Variants in PRPF6 observed in about 807,000 individuals in gnomAD.
PRPF6 encodes pre-mRNA-processing factor 6.
PRPF6 carries 42 observed loss-of-function variants against 118.3 expected under a neutral mutation model. The ratio of observed to expected loss-of-function variants is 0.35; its 90% CI spans 0.28 to 0.46. The LOEUF is 0.46. PRPF6 is among the 20% of genes least tolerant of loss of function. The pLI, the probability that PRPF6 is intolerant of heterozygous loss-of-function variation, is 1.00. For missense variants in PRPF6, 662 were observed against 1,255.7 expected, an observed-to-expected ratio of 0.53 and a Z score of 7.15; for synonymous variants, 481 against 485.1, an observed-to-expected ratio of 0.99 and a Z score of 0.11.
Position 63,981,184 on chromosome 20 carries a change from G to C in PRPF6, c.-62G>C. The C allele has an allele frequency of 2.0e-6, 3 of 1,519,938 alleles. No homozygotes were observed. Among genetic ancestry groups the C allele is most frequent in the Non-Finnish European group, 2.7e-6 (3 of 1,115,194 alleles). 94.2% of individuals were successfully genotyped at this position (1,519,938 alleles called of 1,614,324 possible). ...TCGGACGTCGAAGCCTAGAGTCTCT[G>C]CGTCTTTCCCTCTTCCGCTGCCTCA... is the stretch of plus-strand genomic sequence containing the variant. On this transcript the variant is annotated 5_prime_UTR_variant, in exon 1 of 21. Coordinates refer to ENST00000266079, the MANE Select transcript of PRPF6 (RefSeq NM_012469.4).
At chr20:64,004,936 C>G (rs2059183022) in intron 9 of PRPF6, among the ~76,000 whole-genome samples, 1 of 152,222 alleles carries the variant, frequency 6.6e-6, no homozygotes, top group Non-Finnish European at 1.5e-5. Flanking sequence ...CAGCGTGTCC[C>G]TCTGGGGGCA....
In PRPF6 at chr20:64,028,614, G is replaced by T; in HGVS notation, c.2431+45G>T. 6.3e-7 allele frequency: 1 copy of T among 1,598,936 alleles called. No homozygotes were observed. The highest frequency in any genetic ancestry group is 1.1e-5 in the South Asian group (1 of 90,494). Reference sequence around the variant, plus strand: ...CCGGTAAGGGGGTGCCCTGACTCCGGTAAGGGGGTGCCTTGACTCCGGTAA... The same window carrying T: ...CCGGTAAGGGGGTGCCCTGACTCCGTTAAGGGGGTGCCTTGACTCCGGTAA... On this transcript the variant is annotated intron_variant, in intron 18 of 20. Transcript: ENST00000266079. The surrounding 1 kb of genome is among the most constrained non-coding windows in gnomAD (Gnocchi z 6.5).
At chr20:64,001,366 C>T (rs1266355275) in intron 9 of PRPF6, 127 bp downstream of exon 9, 2 of 1,176,260 alleles carry the variant, frequency 1.7e-6, no homozygotes, top group East Asian at 2.5e-5. Flanking sequence ...CAGGCCTTTT[C>T]TCAGGCTGGG....
chr20:63,985,871 A>G (rs1473247375), intron 3 of PRPF6, among the ~76,000 whole-genome samples: 2 of 152,220 alleles, frequency 1.3e-5, no homozygotes, highest in East Asian at 3.8e-4. Context: ...ATTCTGAAAA[A>G]TAGAGGAGGG....
Position 64,010,300 on chromosome 20 carries a change from C to T in PRPF6, c.1287C>T (p.Cys429=). 1 of 1,613,614 alleles carries T rather than the reference C, an allele frequency of 6.2e-7. No individual in the cohort carries two copies. The highest frequency in any genetic ancestry group is 8.5e-7 in the Non-Finnish European group (1 of 1,180,000). The change falls in exon 10 of 21, where the codon TGC becomes TGT. Residue 429 remains cysteine (C), a synonymous_variant. Transcript: ENST00000266079. ...ARIMLSRAVE[C]CPTSVELWLA... The stretch of plus-strand genomic sequence containing the variant: ...TCATGCTGAGCCGAGCTGTGGAGTG[C>T]TGCCCCACCAGCGTGGAGGTGAGTC...
At chr20:64,016,985 C>G (rs892872518) in intron 12 of PRPF6, 140 bp downstream of exon 12, 5 of 1,217,078 alleles carry the variant, frequency 4.1e-6, no homozygotes, top group African/African-American at 3.0e-5. Context: ...CTCTGTCGCC[C>G]AGGCTGGAGT....
chr20:64,018,895 T>C (rs2059251022), intron 12 of PRPF6, among the ~76,000 whole-genome samples: 1 of 152,160 alleles, frequency 6.6e-6, no homozygotes, highest in Non-Finnish European at 1.5e-5. Context: ...CAATGGCTCC[T>C]CCTTTGGTCC....
Position 63,998,462 on chromosome 20 carries a change from G to C in PRPF6, c.772-583G>C, listed in dbSNP as rs557547629. On this transcript the variant is annotated intron_variant, in intron 6 of 20. Transcript: ENST00000266079. Reference sequence around the variant, plus strand: ...AGGCAGGAGGATTCCTTGAGCCCAGGAGCTGGAGGCTGCACTGAGCTATGA... The same window carrying C: ...AGGCAGGAGGATTCCTTGAGCCCAGCAGCTGGAGGCTGCACTGAGCTATGA... Among the ~76,000 whole-genome samples the C allele has an allele frequency of 2.0e-5, 3 of 152,014 alleles. No homozygotes were observed. In the East Asian group the frequency reaches 5.8e-4, roughly 29 times the overall value.
chr20:64,020,133 G>A (rs1034367386), intron 12 of PRPF6, among the ~76,000 whole-genome samples: 2 of 152,160 alleles, frequency 1.3e-5, no homozygotes, highest in African/African-American at 2.4e-5. Context: ...TCCTTTCAGC[G>A]GCCGGGCGCA....
intron 12 of PRPF6, among the ~76,000 whole-genome samples, chr20:64,020,233 T>C (rs1272435644): frequency 6.6e-6 from 1 of 152,102 alleles, no homozygotes; most frequent in Non-Finnish European, 1.5e-5. Context: ...CTGGCCAACA[T>C]GGTGAAACCT....
At chr20:63,986,072 G>A (rs1302325070) in intron 3 of PRPF6, among the ~76,000 whole-genome samples, 1 of 152,084 alleles carries the variant, frequency 6.6e-6, no homozygotes, top group Non-Finnish European at 1.5e-5. Flanking sequence ...AGTGGATCAC[G>A]CCTGTAATTC....
At position 64,033,029 on chromosome 20, in the gene PRPF6, G is replaced by A. The variant is rs1440498856; in HGVS notation, c.*36G>A. 1 of 1,612,104 alleles carries A rather than the reference G, an allele frequency of 6.2e-7. No individual in the cohort carries two copies. The highest frequency in any genetic ancestry group is 1.3e-5 in the African/African-American group (1 of 74,928). ...GCCATGGCCGGTCTCCGTGGGGCAGGGTTGGGCCGCATGTGGAAGGGCTCT... is the reference window on the plus strand; with the variant it reads ...GCCATGGCCGGTCTCCGTGGGGCAGAGTTGGGCCGCATGTGGAAGGGCTCT... On this transcript the variant is annotated 3_prime_UTR_variant, in exon 21 of 21. Coordinates refer to ENST00000266079, the MANE Select transcript of PRPF6 (RefSeq NM_012469.4).
intron 20 of PRPF6, among the ~76,000 whole-genome samples, chr20:64,032,507 C>G (rs775845541): frequency 1.3e-5 from 2 of 152,288 alleles, no homozygotes; most frequent in Admixed American, 1.3e-4. Flanking sequence ...TCCTGGTCCT[C>G]CCTGGAAAGT....
chr20:64,017,399 G>A (rs375207966), intron 12 of PRPF6, among the ~76,000 whole-genome samples: 4 of 149,090 alleles, frequency 2.7e-5, no homozygotes, highest in African/African-American at 7.5e-5. Flanking sequence ...GATCACAGGC[G>A]TGAGCCGCCG....
At chr20:63,987,169 C>CA (rs61702884) in intron 3 of PRPF6, among the ~76,000 whole-genome samples, 25,302 of 52,170 alleles carry the variant, frequency 0.48, 7,668 homozygotes, top group East Asian at 0.84. Context: ...GACCCTGTCT[C>CA]AAAAAAAAAA....
chr20:63,983,939 C>G (rs540549739), intron 2 of PRPF6, among the ~76,000 whole-genome samples: 9 of 152,264 alleles, frequency 5.9e-5, no homozygotes, highest in African/African-American at 2.2e-4. Context: ...AGGCGTGAGC[C>G]ACTGCGCCTG....
chr20:64,011,343 A>G lies in PRPF6; in HGVS notation c.1364A>G (p.Lys455Arg). 6.2e-7 allele frequency: 1 copy of G among 1,614,204 alleles called. No homozygotes were observed. The highest frequency in any genetic ancestry group is 8.5e-7 in the Non-Finnish European group (1 of 1,180,036). Residue 455 changes from lysine to arginine, a missense_variant, in exon 11 of 21, where the codon AAG becomes AGG. Coordinates refer to ENST00000266079, the MANE Select transcript of PRPF6 (RefSeq NM_012469.4). This position sits in a 1 kb window ranked among gnomAD's most constrained non-coding sequence, Gnocchi z 6.7. ...TYENARKVLN[K>R]ARENIPTDRH... is the part of the protein sequence containing the mutation. The stretch of plus-strand genomic sequence containing the variant: ...GAAAATGCCCGCAAGGTCTTGAACA[A>G]GGCGCGGGAGAACATTCCTACAGAC...
intron 11 of PRPF6, among the ~76,000 whole-genome samples, chr20:64,015,518 C>T (rs938870536): frequency 6.6e-6 from 1 of 152,238 alleles, no homozygotes; most frequent in African/African-American, 2.4e-5. Flanking sequence ...CCCATGTTGG[C>T]ATGCCGCAGT....
At chr20:63,997,226 A>G (rs2059144453) in intron 6 of PRPF6, among the ~76,000 whole-genome samples, 1 of 149,276 alleles carries the variant, frequency 6.7e-6, no homozygotes, top group South Asian at 2.1e-4. Flanking sequence ...ATCATACAGT[A>G]TTTACCTTAC....
Sources: allele counts gnomAD v4.1 joint callset (sites outside exome capture counted in the v4.1 genomes callset), GRCh38; gene constraint gnomAD v4.1.1; non-coding constraint Gnocchi (gnomAD v3.1); transcripts MANE v1.5; gene names NCBI Gene and HGNC (gene_info 2026-07-23, HGNC 2026-07-21).